SLC12A3: variants seen among roughly 807,000 people sequenced by gnomAD.
The protein encoded by SLC12A3 is solute carrier family 12 member 3.
Under a neutral mutation model 121.0 loss-of-function variants are expected in SLC12A3, and 104 were observed. That is an observed-to-expected ratio of 0.86 (90% CI 0.73 to 1.01). The LOEUF (loss-of-function observed/expected upper bound fraction) is 1.01. Among genes scored for constraint, SLC12A3 ranks in the 50% least tolerant of loss-of-function variants. SLC12A3 has a pLI of 0.00. For missense variants in SLC12A3, 1,328 were observed against 1,356.3 expected (o/e 0.98, Z 0.33); for synonymous variants, 536 against 533.4 (o/e 1.00, Z -0.07).
intron 8 of SLC12A3, among the ~76,000 whole-genome samples, chr16:56,875,240 G>A (rs2055151277): frequency 6.6e-6 from 1 of 152,180 alleles, no homozygotes; most frequent in Admixed American, 6.5e-5. Context: ...GCCACTGTTT[G>A]TGGAGCCCTC....
intron 18 of SLC12A3, among the ~76,000 whole-genome samples, chr16:56,889,096 G>A (rs568229807): frequency 6.6e-6 from 1 of 150,938 alleles, no homozygotes; most frequent in East Asian, 2.0e-4. Flanking sequence ...TCCCTCAGTG[G>A]CTTTTCTGTG....
rs1416193977 is a variant in SLC12A3 at position 56,873,959 on chromosome 16, G to A, written c.1095+1173G>A. ...TCTCCTGACCTCAAGTGATCCACCC[G>A]ATTTGTCTTCCCAAAGTGCTGGGAT... On this transcript the variant is annotated intron_variant, in intron 8 of 25. Coordinates refer to ENST00000563236, the MANE Select transcript of SLC12A3 (RefSeq NM_001126108.2). Among the ~76,000 whole-genome samples the A allele has an allele frequency of 2.0e-5, 3 of 152,066 alleles. No individual in the cohort carries two copies. In the East Asian group the frequency reaches 5.8e-4, roughly 29 times the overall value.
At position 56,904,442 on chromosome 16, in the gene SLC12A3, A is replaced by C; in HGVS notation, c.2904A>C (p.Arg968=). The C allele has an allele frequency of 6.2e-7, 1 of 1,613,906 alleles. No individual in the cohort carries two copies. Among genetic ancestry groups the C allele is most frequent in the Non-Finnish European group, 8.5e-7 (1 of 1,179,820 alleles). ...RLNEIVLDYS[R]DAALIVITLP... The stretch of plus-strand genomic sequence containing the variant: ...ATGAGATTGTGCTGGATTACTCCCG[A>C]GACGCTGCTCTCATCGTCATGTAAG... The change falls in exon 25 of 26, where the codon CGA becomes CGC. Residue 968 remains arginine, a synonymous_variant. Coordinates refer to ENST00000563236, the MANE Select transcript of SLC12A3 (RefSeq NM_001126108.2).
chr16:56,865,371 A>G lies in SLC12A3; in HGVS notation c.136A>G (p.Thr46Ala), dbSNP rs746494505. 3.7e-6 allele frequency: 6 copies of G among 1,614,004 alleles called. No homozygotes were observed. In the East Asian group the frequency reaches 1.3e-4, roughly 36 times the overall value. The change falls in exon 1 of 26, where the codon ACC (threonine) becomes GCC (alanine). Residue 46 changes from threonine to alanine, a missense_variant. Physicochemically the swap from Thr to Ala is moderately conservative, Grantham distance 58. Coordinates refer to ENST00000563236, the MANE Select transcript of SLC12A3 (RefSeq NM_001126108.2). ...AYDSSHPSHL[T>A]HSSTFCMRTF... ...TGACAGCAGCCACCCCAGCCACCTG[A>G]CCCACAGCAGCACCTTCTGCATGCG...
In SLC12A3 at chr16:56,902,365, G is replaced by A. The variant is rs747031450; in HGVS notation, c.2721-8G>A. The A allele has an allele frequency of 1.1e-5, 17 of 1,613,946 alleles. No homozygotes were observed. The highest frequency in any genetic ancestry group is 8.9e-5 in the East Asian group (4 of 44,884). On this transcript the variant is annotated splice_polypyrimidine_tract_variant and splice_region_variant and intron_variant, in intron 23 of 25. Transcript: ENST00000563236. ...TCAGCCGGCCTCAACCCACTTTCTC[G>A]TCCCCAGCACCAAGAGGTTTGAGGA...
At chr16:56,890,449 T>C in intron 19 of SLC12A3, 93 bp downstream of exon 19, 1 of 1,046,314 alleles carries the variant, frequency 9.6e-7, no homozygotes, top group Non-Finnish European at 1.5e-6. Flanking sequence ...AATAAAAGGT[T>C]ACAGACTCAT....
chr16:56,888,353 C>T (rs1197496856), intron 18 of SLC12A3, among the ~76,000 whole-genome samples: 4 of 152,156 alleles, frequency 2.6e-5, no homozygotes, highest in Admixed American at 6.5e-5. Context: ...CGTCTCTGAC[C>T]TGTGAGTCAT....
chr16:56,893,109 G>A, intron 21 of SLC12A3, 55 bp downstream of exon 21: 1 of 1,429,438 alleles, frequency 7.0e-7, no homozygotes, highest in South Asian at 1.2e-5. Flanking sequence ...GGTGGTGGTG[G>A]TCTTCCTTCC....
At chr16:56,892,453 C>T (rs2055401558) in intron 20 of SLC12A3, among the ~76,000 whole-genome samples, 1 of 152,032 alleles carries the variant, frequency 6.6e-6, no homozygotes, top group Non-Finnish European at 1.5e-5. Context: ...GAGACCCTGT[C>T]TCAAAAAAAG....
chr16:56,886,486 C>T lies in SLC12A3; in HGVS notation c.2037+11C>T. The T allele has an allele frequency of 1.6e-5, 25 of 1,606,076 alleles. No individual in the cohort carries two copies. The highest frequency in any genetic ancestry group is 2.0e-5 in the Non-Finnish European group (24 of 1,172,966). The stretch of plus-strand genomic sequence containing the variant: ...GGCCACGTGCTCATCGTGAGTGGCC[C>T]CTGGAGGGGCACAGGGGACCAGGCA... On this transcript the variant is annotated intron_variant, in intron 16 of 25. Coordinates refer to ENST00000563236, the MANE Select transcript of SLC12A3 (RefSeq NM_001126108.2).
In SLC12A3 at chr16:56,902,766, GTCC is replaced by G. The variant is rs113468906; in HGVS notation, c.2856+280_2856+282del. Among the ~76,000 whole-genome samples the G allele has an allele frequency of 0.18, 26,075 of 143,344 alleles. 2,711 individuals carry two copies. The highest frequency in any genetic ancestry group is 0.32 in the African/African-American group (11,950 of 37,224). The allele number at this position is 143,344 out of a possible 152,430, so 94.0% of individuals were successfully genotyped here. The stretch of plus-strand genomic sequence containing the variant: ...CTGGCAGTGGGCTTGACTGCCCGGA[GTCC>G]TCCTCCTCCTCCTCCTCCTCCACAC... On this transcript the variant is annotated intron_variant, in intron 24 of 25. Coordinates refer to ENST00000563236, the MANE Select transcript of SLC12A3 (RefSeq NM_001126108.2).
intron 14 of SLC12A3, 73 bp downstream of exon 14, chr16:56,884,277 C>T: frequency 6.7e-7 from 1 of 1,491,594 alleles, no homozygotes; most frequent in South Asian, 1.1e-5. Context: ...GCCCTCCGCC[C>T]CAGTTGGAGG....
intron 25 of SLC12A3, among the ~76,000 whole-genome samples, chr16:56,906,216 T>C (rs8049280): frequency 0.24 from 36,611 of 152,148 alleles, 6,571 homozygotes; most frequent in African/African-American, 0.51. Context: ...TTGAGTACTG[T>C]GTACGTTGCA....
rs755560627 is a variant in SLC12A3, at chr16:56,886,363, G to T, written c.1926-1G>T. On this transcript the variant is annotated splice_acceptor_variant, in intron 15 of 25. Coordinates refer to ENST00000563236, the MANE Select transcript of SLC12A3 (RefSeq NM_001126108.2). LOFTEE classifies it high-confidence loss of function. ...CCTGCCCTTTTCCCTTCCCTCCTCA[G>T]CCCCCAGTGCCTGGTGCTCACGGGG... The T allele has an allele frequency of 5.6e-6, 9 of 1,611,346 alleles. No individual in the cohort carries two copies. Among genetic ancestry groups the T allele is most frequent in the Non-Finnish European group, 7.6e-6 (9 of 1,177,748 alleles).
intron 22 of SLC12A3, among the ~76,000 whole-genome samples, chr16:56,898,985 C>T (rs1040480903): frequency 5.9e-5 from 9 of 152,162 alleles, no homozygotes; most frequent in Non-Finnish European, 1.0e-4. Context: ...TCAGCAGATG[C>T]GTAGACATGT....
Position 56,870,297 on chromosome 16 carries a change from G to A in SLC12A3, c.741+62G>A, listed in dbSNP as rs1046408505. Reference sequence around the variant, plus strand: ...CGGGCAGCCCATTGCACTCTCCTCCGCCCCATCTGGGCTGGGGCCTCCTGC... The same window carrying A: ...CGGGCAGCCCATTGCACTCTCCTCCACCCCATCTGGGCTGGGGCCTCCTGC... On this transcript the variant is annotated intron_variant, in intron 5 of 25. Transcript: ENST00000563236. 30 of 1,557,074 alleles carry A rather than the reference G, an allele frequency of 1.9e-5. No homozygotes were observed. The African/African-American group carries it at 2.2e-4, about 11-fold the overall frequency.
At chr16:56,912,395 G>A (rs755940625) in intron 25 of SLC12A3, among the ~76,000 whole-genome samples, 89 of 152,254 alleles carry the variant, frequency 5.8e-4, no homozygotes, top group Admixed American at 1.5e-3. Flanking sequence ...GCATTGCACA[G>A]TTAAGACAAG....
Position 56,867,146 on chromosome 16 carries a change from G to A in SLC12A3, c.359G>A (p.Gly120Asp), listed in dbSNP as rs1164668130. ...GAGATGACTGATGGGCTGGTGGAGG[G>A]CGAGGCAGGCACCAGCAGCGAGAAG... ...SHEMTDGLVE[G>D]EAGTSSEKNP... Residue 120 changes from glycine (G) to aspartate (D), a missense_variant, in exon 2 of 26, where the codon GGC becomes GAC. Coordinates refer to ENST00000563236, the MANE Select transcript of SLC12A3 (RefSeq NM_001126108.2). 2.5e-6 allele frequency: 4 copies of A among 1,613,930 alleles called. No homozygotes were observed. Among genetic ancestry groups the A allele is most frequent in the Non-Finnish European group, 3.4e-6 (4 of 1,180,004 alleles).
At chr16:56,885,087 G>C (rs1054022347) in intron 14 of SLC12A3, among the ~76,000 whole-genome samples, 178 bp from the exon 15 acceptor site, 1 of 152,112 alleles carries the variant, frequency 6.6e-6, no homozygotes, top group African/African-American at 2.4e-5. Context: ...ACTTTTCAAC[G>C]TGCAGCCACA....
Sources: allele counts gnomAD v4.1 joint callset (sites outside exome capture counted in the v4.1 genomes callset), GRCh38; gene constraint gnomAD v4.1.1; transcripts MANE v1.5; gene names NCBI Gene and HGNC (gene_info 2026-07-23, HGNC 2026-07-21).